Variants in ABCA13 observed in about 807,000 individuals in gnomAD.
ABCA13 encodes the protein ATP-binding cassette sub-family A member 13.
ABCA13 carries 476 observed loss-of-function variants against 478.7 expected under a neutral mutation model. That is an observed-to-expected ratio of 0.99 (90% CI 0.92 to 1.07). ABCA13 has a LOEUF of 1.07. ABCA13 is among the 50% of genes least tolerant of loss of function. The probability of loss-of-function intolerance (pLI) is 0.00; values close to 1 mark genes in which losing one functional copy is unlikely to be tolerated. For synonymous variants in ABCA13, 2,252 were observed against 2,158.9 expected (o/e 1.04, Z -1.20); for missense variants, 6,060 against 5,910.6 (o/e 1.03, Z -0.83).
chr7:48,328,600 C>T (rs1049070122), intron 27 of ABCA13, among the ~76,000 whole-genome samples: 2 of 151,948 alleles, frequency 1.3e-5, no homozygotes, highest in Non-Finnish European at 2.9e-5. Context: ...CTTTTACTGA[C>T]CTTGGATACC....
At chr7:48,459,336 C>T (rs975074687) in intron 43 of ABCA13, among the ~76,000 whole-genome samples, 2 of 152,150 alleles carry the variant, frequency 1.3e-5, no homozygotes, top group Non-Finnish European at 2.9e-5. Context: ...CTCCTGGTGC[C>T]TCTGCAGCCT....
chr7:48,615,438 G>T (rs1792475249), intron 59 of ABCA13, 61 bp downstream of exon 59: 2 of 1,436,340 alleles, frequency 1.4e-6, no homozygotes, highest in Non-Finnish European at 1.9e-6. Context: ...ATGATGCAGG[G>T]TTATGACTGG....
chr7:48,172,131 G>A (rs1794158756), intron 1 of ABCA13, among the ~76,000 whole-genome samples: 1 of 152,206 alleles, frequency 6.6e-6, no homozygotes, highest in South Asian at 2.1e-4. Flanking sequence ...GAATACTTAT[G>A]CAAATATCCT....
At chr7:48,462,451 C>A (rs973569953) in intron 43 of ABCA13, among the ~76,000 whole-genome samples, 2 of 151,938 alleles carry the variant, frequency 1.3e-5, no homozygotes, top group African/African-American at 2.4e-5. Flanking sequence ...ATTCCCCCCC[C>A]CCTACTGTTT....
intron 28 of ABCA13, among the ~76,000 whole-genome samples, chr7:48,335,840 C>T (rs1403380026): frequency 6.6e-6 from 1 of 152,086 alleles, no homozygotes; most frequent in Non-Finnish European, 1.5e-5. Context: ...CAGGTCTATT[C>T]AACAATCAAT....
In ABCA13 at chr7:48,335,425, A is replaced by T. The variant is rs371610587; in HGVS notation, c.10003A>T (p.Asn3335Tyr). Residue 3335 changes from asparagine (N) to tyrosine (Y), a missense_variant, in exon 28 of 62, where the codon AAT becomes TAT. Coordinates refer to ENST00000435803, the MANE Select transcript of ABCA13 (RefSeq NM_152701.5). ...CCAAATATGCTTCATTTTGCAGGCT[A>T]ATTACACCTTTTATATTGTGGACAA... ...PEINKVIQKANYTFYIVDKLK... is the reference protein window; with the variant it reads ...PEINKVIQKAYYTFYIVDKLK... 8.3e-5 allele frequency: 133 copies of T among 1,599,850 alleles called. No homozygotes were observed. The Middle Eastern group carries it at 9.9e-4, about 12-fold the overall frequency.
intron 59 of ABCA13, among the ~76,000 whole-genome samples, chr7:48,619,915 A>T (rs911523120): frequency 6.6e-6 from 1 of 152,198 alleles, no homozygotes. Flanking sequence ...ACACCCCTCC[A>T]TAACAGGCAA....
chr7:48,606,959 T>G (rs191532715), intron 58 of ABCA13, among the ~76,000 whole-genome samples: 38 of 152,332 alleles, frequency 2.5e-4, no homozygotes, highest in African/African-American at 8.4e-4. Flanking sequence ...TGAGCTGCAG[T>G]GGGCTCCACC....
chr7:48,217,550 G>T (rs1311802040), intron 3 of ABCA13, among the ~76,000 whole-genome samples: 1 of 152,064 alleles, frequency 6.6e-6, no homozygotes, highest in African/African-American at 2.4e-5. Context: ...TTATTTTAAA[G>T]ATAATCTCCC....
intron 32 of ABCA13, among the ~76,000 whole-genome samples, chr7:48,371,749 C>T (rs1247455981): frequency 1.3e-5 from 2 of 152,208 alleles, no homozygotes; most frequent in East Asian, 3.9e-4. Context: ...GACAGTTTGA[C>T]TTCCTCTTTT....
intron 39 of ABCA13, among the ~76,000 whole-genome samples, chr7:48,409,934 A>T (rs1818766168): frequency 6.6e-6 from 1 of 151,208 alleles, no homozygotes; most frequent in Admixed American, 6.6e-5. Flanking sequence ...ACCAAAAAAA[A>T]AAAAAAAAAA....
At position 48,241,019 on chromosome 7, in the gene ABCA13, C is replaced by T. The variant is rs1243478847; in HGVS notation, c.1215C>T (p.Asp405=). 2.5e-6 allele frequency: 4 copies of T among 1,613,920 alleles called. No individual in the cohort carries two copies. The highest frequency in any genetic ancestry group is 3.4e-6 in the Non-Finnish European group (4 of 1,179,904). The change falls in exon 10 of 62, where the codon GAC becomes GAT. Residue 405 remains aspartate (D), a synonymous_variant. Coordinates refer to ENST00000435803, the MANE Select transcript of ABCA13 (RefSeq NM_152701.5). ...ACACTGCACTGCTCCTGCTGAATGA[C>T]AGCTTGTCAGCAGATGGCCCAAAAG... ...ALHTALLLLN[D]SLSADGPKDN...
At chr7:48,213,386 G>C (rs1024501757) in intron 3 of ABCA13, among the ~76,000 whole-genome samples, 1 of 152,160 alleles carries the variant, frequency 6.6e-6, no homozygotes, top group African/African-American at 2.4e-5. Flanking sequence ...TCTGTTAAGT[G>C]TGCAATAGCA....
intron 10 of ABCA13, among the ~76,000 whole-genome samples, chr7:48,244,011 A>G (rs1791287941): frequency 6.6e-6 from 1 of 151,860 alleles, no homozygotes; most frequent in African/African-American, 2.4e-5. Context: ...TATCAAACTC[A>G]TTTTCTTTCC....
intron 29 of ABCA13, among the ~76,000 whole-genome samples, chr7:48,348,081 A>C (rs1477965016): frequency 1.3e-5 from 2 of 152,162 alleles, no homozygotes; most frequent in African/African-American, 4.8e-5. Context: ...TCCAGGCCAA[A>C]TGGGCACCAT....
chr7:48,277,342 T>C (rs1171632705), intron 17 of ABCA13, among the ~76,000 whole-genome samples: 2 of 152,214 alleles, frequency 1.3e-5, no homozygotes, highest in Non-Finnish European at 2.9e-5. Flanking sequence ...CCACTGACTA[T>C]GAATACCCAG....
chr7:48,290,940 GAAAA>G (rs57470116), intron 20 of ABCA13, among the ~76,000 whole-genome samples: 1 of 48,834 alleles, frequency 2.0e-5, no homozygotes, highest in African/African-American at 5.5e-5. Flanking sequence ...CACACTCAGG[GAAAA>G]AAAAAAAAAA....
intron 42 of ABCA13, among the ~76,000 whole-genome samples, chr7:48,452,279 A>G (rs1312374654): frequency 6.6e-6 from 1 of 152,166 alleles, no homozygotes; most frequent in Admixed American, 6.5e-5. Context: ...ACAAATCTCT[A>G]CTTTACAAGT....
In ABCA13 at chr7:48,412,480, A is replaced by G; in HGVS notation, c.12356A>G (p.Asp4119Gly). 2 of 1,613,694 alleles carry G rather than the reference A, an allele frequency of 1.2e-6. No individual in the cohort carries two copies. The highest frequency in any genetic ancestry group is 2.2e-5 in the East Asian group (1 of 44,794). Residue 4119 changes from aspartate (D) to glycine (G), a missense_variant, in exon 41 of 62, where the codon GAC becomes GGC. Around this residue, in one of 3 missense-constraint regions of ABCA13, gnomAD observed 1,627 missense variants for 1,571.0 expected, o/e 1.04. Transcript: ENST00000435803. ...GSELTYTIPKDTDKACLKGLF... is the reference protein window; with the variant it reads ...GSELTYTIPKGTDKACLKGLF... Reference sequence around the variant, plus strand: ...GAGCTGACCTACACCATTCCAAAGGACACAGACAAGGCCTGCTTGAAAGGG... The same window carrying G: ...GAGCTGACCTACACCATTCCAAAGGGCACAGACAAGGCCTGCTTGAAAGGG...
Sources: gnomAD v4.1 joint callset for allele counts (sites outside exome capture counted in the v4.1 genomes callset) on GRCh38, gnomAD v4.1.1 for gene constraint, gnomAD v4.1.1 regional missense constraint, MANE v1.5 for transcripts, NCBI Gene and HGNC (gene_info 2026-07-23, HGNC 2026-07-21) for gene names.